PLPP4: variants seen among roughly 807,000 people sequenced by gnomAD.
PLPP4 encodes diacylglycerol pyrophosphate like 2.
Under a neutral mutation model 32.2 loss-of-function variants are expected in PLPP4, and 20 were observed. The ratio of observed to expected loss-of-function variants is 0.62; its 90% CI spans 0.44 to 0.90. The LOEUF (loss-of-function observed/expected upper bound fraction) is 0.90, where lower values mean the gene tolerates loss of function less well. PLPP4 is among the 40% of genes least tolerant of loss of function. The probability of loss-of-function intolerance (pLI) is 0.00; values close to 1 mark genes in which losing one functional copy is unlikely to be tolerated. For synonymous variants in PLPP4, 127 were observed against 133.0 expected, an observed-to-expected ratio of 0.95 and a Z score of 0.31; for missense variants, 257 against 353.1, an observed-to-expected ratio of 0.73 and a Z score of 2.18.
chr10:120,480,333 G>A (rs936116996), intron 1 of PLPP4, among the ~76,000 whole-genome samples: 2 of 152,220 alleles, frequency 1.3e-5, no homozygotes, highest in Admixed American at 1.3e-4. Context: ...TGTGCATCTG[G>A]TGCAGGCTGG....
Position 120,588,327 on chromosome 10 carries a change from G to A in PLPP4, c.617-976G>A, listed in dbSNP as rs559579374. Among the ~76,000 whole-genome samples the A allele has an allele frequency of 1.3e-4, 20 of 152,326 alleles. 1 individual carries two copies. The South Asian group carries it at 3.7e-3, about 28-fold the overall frequency. On this transcript the variant is annotated intron_variant, in intron 6 of 6. Coordinates refer to ENST00000398250, the MANE Select transcript of PLPP4 (RefSeq NM_001030059.3). ...TTTGGCAGGGGGCTGCCCTTGGGGC[G>A]GAGGGCTGGTATTCCCTGCAGATGC... is the stretch of plus-strand genomic sequence containing the variant.
intron 5 of PLPP4, among the ~76,000 whole-genome samples, chr10:120,574,158 ACACACACACACTCTCTCTCT>A (rs1415526373): frequency 9.9e-5 from 12 of 121,072 alleles, no homozygotes; most frequent in African/African-American, 3.6e-4. Context: ...ACACACACAC[ACACACACACACTCTCTCTCT>A]CTCTCTCTCT....
At chr10:120,532,752 T>G (rs1180077369) in intron 5 of PLPP4, among the ~76,000 whole-genome samples, 1 of 152,226 alleles carries the variant, frequency 6.6e-6, no homozygotes, top group African/African-American at 2.4e-5. Flanking sequence ...GTGACTGATT[T>G]CTTTCACTTG....
intron 2 of PLPP4, among the ~76,000 whole-genome samples, chr10:120,509,357 A>T (rs1291443340): frequency 6.6e-6 from 1 of 152,146 alleles, no homozygotes; most frequent in African/African-American, 2.4e-5. Flanking sequence ...CCTCTCCTCA[A>T]TCTGAGTCCA....
At chr10:120,491,140 G>A (rs1001187502) in intron 1 of PLPP4, among the ~76,000 whole-genome samples, 4 of 152,190 alleles carry the variant, frequency 2.6e-5, no homozygotes, top group Non-Finnish European at 5.9e-5. Context: ...GCCCTGCTGG[G>A]TGAGGGGACC....
At chr10:120,580,585 C>A in intron 6 of PLPP4, among the ~76,000 whole-genome samples, 1 of 151,732 alleles carries the variant, frequency 6.6e-6, no homozygotes, top group African/African-American at 2.4e-5. Context: ...CTGAGTAACA[C>A]CTTCCCCTTC....
At chr10:120,534,284 T>C (rs1846893656) in intron 5 of PLPP4, among the ~76,000 whole-genome samples, 2 of 151,924 alleles carry the variant, frequency 1.3e-5, no homozygotes, top group Admixed American at 6.6e-5. Context: ...TCTTCTGGAG[T>C]TGTTTCTATT....
At chr10:120,563,180 G>A (rs552329639) in intron 5 of PLPP4, among the ~76,000 whole-genome samples, 4 of 152,196 alleles carry the variant, frequency 2.6e-5, no homozygotes, top group East Asian at 1.9e-4. Context: ...CAGAGGTCGC[G>A]GTGTGCGGAG....
chr10:120,523,052 C>T (rs2133914448), intron 5 of PLPP4, among the ~76,000 whole-genome samples: 3 of 152,294 alleles, frequency 2.0e-5, no homozygotes, highest in Admixed American at 2.0e-4. Flanking sequence ...AATCCCAGCA[C>T]TTTGGGAGCC....
chr10:120,529,230 G>A (rs7099615), intron 5 of PLPP4, among the ~76,000 whole-genome samples: 68,290 of 151,792 alleles, frequency 0.45, 15,462 homozygotes, highest in South Asian at 0.58. Context: ...GGGTGCTATT[G>A]GCATCTCGAG....
In PLPP4 at chr10:120,589,621, T is replaced by A; in HGVS notation, c.*119T>A. ...CATCAGTTGTTTCTCAAAGTCATCG[T>A]ACTTCTGCTTCTGTTTCACTGATGG... is the stretch of plus-strand genomic sequence containing the variant. On this transcript the variant is annotated 3_prime_UTR_variant, in exon 7 of 7. Coordinates refer to ENST00000398250, the MANE Select transcript of PLPP4 (RefSeq NM_001030059.3). 1.3e-6 allele frequency: 1 copy of A among 755,066 alleles called. No individual in the cohort carries two copies. Among genetic ancestry groups the A allele is most frequent in the Non-Finnish European group, 2.1e-6 (1 of 476,476 alleles). 46.8% of individuals were successfully genotyped at this position (755,066 alleles called of 1,614,324 possible).
chr10:120,472,797 G>C (rs1430422697), intron 1 of PLPP4, among the ~76,000 whole-genome samples: 1 of 151,878 alleles, frequency 6.6e-6, no homozygotes, highest in Non-Finnish European at 1.5e-5. Flanking sequence ...TTCCCTCTCT[G>C]TGGCTCAGTT....
intron 5 of PLPP4, among the ~76,000 whole-genome samples, chr10:120,545,365 T>G (rs1847568381): frequency 6.6e-6 from 1 of 152,210 alleles, no homozygotes; most frequent in African/African-American, 2.4e-5. Context: ...GGCCAGAGAT[T>G]TGGCCACACA....
intron 5 of PLPP4, among the ~76,000 whole-genome samples, chr10:120,553,256 C>T (rs1459399730): frequency 6.6e-6 from 1 of 152,076 alleles, no homozygotes; most frequent in East Asian, 1.9e-4. Flanking sequence ...AAAGTAATCA[C>T]CAATGTCATG....
At chr10:120,466,741 C>T (rs1379141516) in intron 1 of PLPP4, among the ~76,000 whole-genome samples, 1 of 133,052 alleles carries the variant, frequency 7.5e-6, no homozygotes, top group Non-Finnish European at 1.7e-5. Flanking sequence ...ACCTGAGCCT[C>T]CTCGTCTGTT....
chr10:120,588,172 T>G (rs1849847027), intron 6 of PLPP4, among the ~76,000 whole-genome samples: 1 of 152,242 alleles, frequency 6.6e-6, no homozygotes, highest in African/African-American at 2.4e-5. Flanking sequence ...GATTTTCCAC[T>G]GGACTAGAAT....
chr10:120,545,023 T>A (rs1329701957), intron 5 of PLPP4, among the ~76,000 whole-genome samples: 5 of 152,234 alleles, frequency 3.3e-5, no homozygotes, highest in Non-Finnish European at 7.3e-5. Flanking sequence ...GTTGATGGCG[T>A]CACTTCTGCT....
In PLPP4 at chr10:120,548,711, C is replaced by G. The variant is rs142712756; in HGVS notation, c.446-26420C>G. Among the ~76,000 whole-genome samples, 147 of 152,124 alleles carry G rather than the reference C, an allele frequency of 9.7e-4. 1 individual carries two copies. The highest frequency in any genetic ancestry group is 3.1e-3 in the African/African-American group (129 of 41,540). On this transcript the variant is annotated intron_variant, in intron 5 of 6. Transcript: ENST00000398250. The stretch of plus-strand genomic sequence containing the variant: ...TTCCCACTAGCAGTGTATAAGCATT[C>G]TGTTTCCACAACCTCGCCAACATCT...
At chr10:120,461,453 C>T (rs1055619274) in intron 1 of PLPP4, among the ~76,000 whole-genome samples, 2 of 152,192 alleles carry the variant, frequency 1.3e-5, no homozygotes, top group Non-Finnish European at 2.9e-5. Flanking sequence ...GTCTTATCTT[C>T]CTCTTTCCTT....
Sources: gnomAD v4.1 joint callset for allele counts (sites outside exome capture counted in the v4.1 genomes callset) on GRCh38, gnomAD v4.1.1 for gene constraint, MANE v1.5 for transcripts, NCBI Gene and HGNC (gene_info 2026-07-23, HGNC 2026-07-21) for gene names.